RASA3: variants seen among roughly 807,000 people sequenced by gnomAD.
RASA3 encodes the protein RAS p21 protein activator 3, also known as ras GTPase-activating protein 3.
Under a neutral mutation model 110.0 loss-of-function variants are expected in RASA3, and 73 were observed. The observed-to-expected ratio is 0.66, with a 90% CI of 0.55 to 0.81. The LOEUF (loss-of-function observed/expected upper bound fraction) is 0.81. RASA3 is among the 30% of genes least tolerant of loss of function. The probability of loss-of-function intolerance (pLI) is 0.00; values close to 1 mark genes in which losing one functional copy is unlikely to be tolerated. For synonymous variants in RASA3, 500 were observed against 451.4 expected (o/e 1.11, Z -1.37); for missense variants, 976 against 1,113.2 (o/e 0.88, Z 1.75).
At chr13:114,120,537 C>T (rs2080362322) in intron 1 of RASA3, among the ~76,000 whole-genome samples, 1 of 110,264 alleles carries the variant, frequency 9.1e-6, no homozygotes, top group African/African-American at 3.3e-5. Context: ...GGTCAGGGCC[C>T]CTCCCTCTCT....
At chr13:114,088,560 T>C (rs1325935511) in intron 1 of RASA3, among the ~76,000 whole-genome samples, 5 of 152,178 alleles carry the variant, frequency 3.3e-5, no homozygotes. Flanking sequence ...ATTAATTTTT[T>C]TTTTTTTTGA....
intron 2 of RASA3, among the ~76,000 whole-genome samples, chr13:114,071,919 A>G (rs2079578612): frequency 6.6e-6 from 1 of 152,174 alleles, no homozygotes. Flanking sequence ...TTAGCTAAAC[A>G]TGTTCTCAAA....
chr13:114,061,740 G>A (rs1475302217), intron 2 of RASA3, among the ~76,000 whole-genome samples: 2 of 152,070 alleles, frequency 1.3e-5, no homozygotes, highest in Non-Finnish European at 2.9e-5. Context: ...ACTAGCCATG[G>A]AGTCTAACAC....
rs2052949784 is a variant in RASA3, at chr13:113,982,071, C to T, written c.2246-213G>A. 2.0e-5 allele frequency among the ~76,000 whole-genome samples: 3 copies of T among 152,218 alleles called. No homozygotes were observed. The South Asian group carries it at 6.2e-4, about 31-fold the overall frequency. ...TGCCCACACTGAGCCCAGGGAAAGCCCATTGGGAGCTGGATGCTGAGCAAC... is the reference window on the plus strand; with the variant it reads ...TGCCCACACTGAGCCCAGGGAAAGCTCATTGGGAGCTGGATGCTGAGCAAC... On this transcript the variant is annotated intron_variant, in intron 22 of 23. Transcript: ENST00000334062.
At chr13:114,003,657 CTG>C (rs1285158374) in intron 18 of RASA3, among the ~76,000 whole-genome samples, 1 of 114,356 alleles carries the variant, frequency 8.7e-6, no homozygotes, top group East Asian at 1.9e-4. Context: ...GTAATATATT[CTG>C]TGTCCTTGTA....
At chr13:114,066,458 C>T (rs2139640178) in intron 2 of RASA3, among the ~76,000 whole-genome samples, 1 of 152,284 alleles carries the variant, frequency 6.6e-6, no homozygotes, top group Admixed American at 6.5e-5. Flanking sequence ...GGGGACCTGG[C>T]CTTTGCTCCT....
chr13:114,069,319 C>T (rs2079513116), intron 2 of RASA3, among the ~76,000 whole-genome samples: 1 of 151,756 alleles, frequency 6.6e-6, no homozygotes, highest in South Asian at 2.1e-4. Context: ...CCCTGGGGCC[C>T]TTCTGAGCTC....
rs961583402 is a variant in RASA3 at position 113,981,814 on chromosome 13, C to G, written c.2290G>C (p.Glu764Gln). 1 of 1,613,890 alleles carries G rather than the reference C, an allele frequency of 6.2e-7. No individual in the cohort carries two copies. Among genetic ancestry groups the G allele is most frequent in the African/African-American group, 1.3e-5 (1 of 74,916 alleles). ...TCGTCAATGACGAACGTCGAATACT[C>G]CTCCTGCTCCGGGCCGTCATACACA... ...KSVYDGPEQE[E>Q]YSTFVIDDPQ... The change falls in exon 23 of 24, where the codon GAG (glutamate) becomes CAG (glutamine). Residue 764 changes from glutamate to glutamine, a missense_variant. Around this residue, in one of 4 missense-constraint regions of RASA3, gnomAD observed 132 missense variants for 152.8 expected, o/e 0.86. Coordinates refer to ENST00000334062, the MANE Select transcript of RASA3 (RefSeq NM_007368.4).
chr13:114,128,748 A>G (rs1342434317), intron 1 of RASA3, among the ~76,000 whole-genome samples: 2 of 152,346 alleles, frequency 1.3e-5, no homozygotes, highest in African/African-American at 4.8e-5. Context: ...GCGGAGCCAC[A>G]GGCACTGAGC....
rs558053362 is a variant in RASA3 at position 114,067,620 on chromosome 13, C to T, written c.173+6100G>A. Among the ~76,000 whole-genome samples the T allele has an allele frequency of 9.8e-5, 15 of 152,346 alleles. No homozygotes were observed. In the East Asian group the frequency reaches 2.7e-3, roughly 27 times the overall value. On this transcript the variant is annotated intron_variant, in intron 2 of 23. Transcript: ENST00000334062. ...CTGTGGAGACATTTCTTGGTTTAGT[C>T]ATTTCTACTACACAAAAGTACTATT...
rs908934823 is a variant in RASA3 at position 114,056,618 on chromosome 13, C to T, written c.174-4463G>A. ...TGGGGGGAGGCCCGTGCTGGCTGGG[C>T]ACCTGGGAGGGTCCCGTGAGGCTTC... On this transcript the variant is annotated intron_variant, in intron 2 of 23. Coordinates refer to ENST00000334062, the MANE Select transcript of RASA3 (RefSeq NM_007368.4). This position sits in a 1 kb window ranked among gnomAD's most constrained non-coding sequence, Gnocchi z 5.7. 2 of 985,208 alleles carry T rather than the reference C, an allele frequency of 2.0e-6. No homozygotes were observed. The highest frequency in any genetic ancestry group is 2.4e-6 in the Non-Finnish European group (2 of 829,906). 61.0% of individuals were successfully genotyped at this position (985,208 alleles called of 1,614,324 possible).
chr13:114,094,455 ATTAC>A (rs2079920925), intron 1 of RASA3, among the ~76,000 whole-genome samples: 1 of 152,244 alleles, frequency 6.6e-6, no homozygotes, highest in African/African-American at 2.4e-5. Context: ...ATGGGAAGTG[ATTAC>A]TTAAAGGATG....
Position 114,027,401 on chromosome 13 carries a change from C to T in RASA3, c.591G>A (p.Val197=), listed in dbSNP as rs1566497157. 2.5e-6 allele frequency: 4 copies of T among 1,612,086 alleles called. No homozygotes were observed. The highest frequency in any genetic ancestry group is 2.2e-5 in the East Asian group (1 of 44,870). ...RKTNNPQFDE[V]FYFEVTRPCS... ...TGAAGATACCAACCTCAAAATAAAA[C>T]ACTTCATCGAACTGGGGATTGTTGG... The change falls in exon 7 of 24, where the codon GTG becomes GTA. Residue 197 remains valine (V), a synonymous_variant. Coordinates refer to ENST00000334062, the MANE Select transcript of RASA3 (RefSeq NM_007368.4).
At position 114,018,744 on chromosome 13, in the gene RASA3, C is replaced by G; in HGVS notation, c.942+19G>C. 1 of 1,611,784 alleles carries G rather than the reference C, an allele frequency of 6.2e-7. No homozygotes were observed. Among genetic ancestry groups the G allele is most frequent in the Non-Finnish European group, 8.5e-7 (1 of 1,179,298 alleles). ...GGCACCTCCTGCCCACACCCACAGG[C>G]CACGGCGTGGACAAGCACCTCCACA... On this transcript the variant is annotated intron_variant, in intron 10 of 23. Coordinates refer to ENST00000334062, the MANE Select transcript of RASA3 (RefSeq NM_007368.4).
At chr13:114,121,205 C>T (rs1171655340) in intron 1 of RASA3, among the ~76,000 whole-genome samples, 5 of 152,226 alleles carry the variant, frequency 3.3e-5, no homozygotes, top group Non-Finnish European at 5.9e-5. Context: ...GCACTGCGGC[C>T]GGGGGCAGGA....
intron 1 of RASA3, among the ~76,000 whole-genome samples, chr13:114,101,372 G>A (rs1026819624): frequency 6.6e-5 from 10 of 152,276 alleles, no homozygotes; most frequent in African/African-American, 1.7e-4. Flanking sequence ...GCACCCCCAC[G>A]GCCCACCAGG....
chr13:114,096,927 C>T lies in RASA3; in HGVS notation c.56-23090G>A, dbSNP rs1025152857. ...TGCGCCTTTGAACATGCGTTCTCTC[C>T]GCCTGCAGTGCCCTCCTCTGTGTCT... On this transcript the variant is annotated intron_variant, in intron 1 of 23. Transcript: ENST00000334062. This position sits in a 1 kb window ranked among gnomAD's most constrained non-coding sequence, Gnocchi z 5.1. Among the ~76,000 whole-genome samples, 1 of 152,188 alleles carries T rather than the reference C, an allele frequency of 6.6e-6. No homozygotes were observed. The highest frequency in any genetic ancestry group is 2.4e-5 in the African/African-American group (1 of 41,436).
At chr13:114,124,197 G>T (rs1353017085) in intron 1 of RASA3, among the ~76,000 whole-genome samples, 1 of 152,150 alleles carries the variant, frequency 6.6e-6, no homozygotes, top group African/African-American at 2.4e-5. Context: ...CTTAAATTTG[G>T]GTGATTGTTC....
intron 4 of RASA3, among the ~76,000 whole-genome samples, chr13:114,030,600 C>T (rs1428824400): frequency 6.6e-6 from 1 of 152,214 alleles, no homozygotes; most frequent in African/African-American, 2.4e-5. Context: ...AGCAAGGCTG[C>T]CCTGCGGGTC....
Sources: allele counts gnomAD v4.1 joint callset (sites outside exome capture counted in the v4.1 genomes callset), GRCh38; gene constraint gnomAD v4.1.1; regional missense constraint gnomAD v4.1.1; non-coding constraint Gnocchi (gnomAD v3.1); transcripts MANE v1.5; gene names NCBI Gene and HGNC (gene_info 2026-07-23, HGNC 2026-07-21).